The following SCML4 variants were observed in gnomAD, a reference collection of about 807,000 sequenced individuals.
The protein encoded by SCML4 is Scm polycomb group protein like 4.
In SCML4, 34 loss-of-function variants were observed where a neutral mutation model predicts 41.1. That is an observed-to-expected ratio of 0.83 (90% CI 0.63 to 1.10). The LOEUF is 1.10. Among genes scored for constraint, SCML4 ranks in the 50% least tolerant of loss-of-function variants. The probability of loss-of-function intolerance (pLI) is 0.00; values close to 1 mark genes in which losing one functional copy is unlikely to be tolerated. For synonymous variants in SCML4, 214 were observed against 220.9 expected (o/e 0.97, Z 0.28); for missense variants, 522 against 534.1 (o/e 0.98, Z 0.22).
rs181226854 is a variant in SCML4, at chr6:107,819,059, A to G, written c.-60+5067T>C. ...AGGCCCCTATGGTCTATGAGCTGAC[A>G]GCTGTATGGTACTCATAGCTATTAC... On this transcript the variant is annotated intron_variant, in intron 1 of 7. Coordinates refer to ENST00000369020, the MANE Select transcript of SCML4 (RefSeq NM_198081.5). Among the ~76,000 whole-genome samples the G allele has an allele frequency of 3.4e-3, 524 of 152,242 alleles. 4 individuals are homozygous for G. The highest frequency in any genetic ancestry group is 0.017 in the East Asian group (86 of 5,186).
chr6:107,731,533 C>T (rs1381685247), intron 5 of SCML4, among the ~76,000 whole-genome samples: 1 of 152,204 alleles, frequency 6.6e-6, no homozygotes, highest in Non-Finnish European at 1.5e-5. Context: ...GGAGCAGCTG[C>T]AGAGTGAGCC....
At chr6:107,730,798 G>A (rs1391325027) in intron 5 of SCML4, among the ~76,000 whole-genome samples, 1 of 152,160 alleles carries the variant, frequency 6.6e-6, no homozygotes, top group Non-Finnish European at 1.5e-5. Context: ...GCCTATTAGT[G>A]AGGCCAAAGA....
intron 5 of SCML4, among the ~76,000 whole-genome samples, chr6:107,727,649 T>C (rs1776127459): frequency 6.6e-6 from 1 of 152,234 alleles, no homozygotes; most frequent in Non-Finnish European, 1.5e-5. Flanking sequence ...TTTGCCTTGA[T>C]GGCCTCGCTG....
Position 107,720,647 on chromosome 6 carries a change from C to G in SCML4, c.973+56G>C, listed in dbSNP as rs141326797. 2.0e-6 allele frequency: 3 copies of G among 1,463,908 alleles called. No individual in the cohort carries two copies. The African/African-American group carries it at 4.3e-5, about 21-fold the overall frequency. The allele number at this position is 1,463,908 out of a possible 1,614,324, so 90.7% of individuals were successfully genotyped here. A position where few individuals can be genotyped will look rare whatever the true frequency, so the allele number is the denominator to read the frequency against. ...CCCCTTCCCCAGATGCTGTGCTCCC[C>G]GCGCAAGGGCAAGGGATGTTAAGTC... On this transcript the variant is annotated intron_variant, in intron 6 of 7. Coordinates refer to ENST00000369020, the MANE Select transcript of SCML4 (RefSeq NM_198081.5).
the SCML4 span, among the ~76,000 whole-genome samples, chr6:107,835,125 C>T: frequency 6.6e-6 from 1 of 152,048 alleles, no homozygotes; most frequent in Non-Finnish European, 1.5e-5. Context: ...CTTTGGGAGG[C>T]CGAGGCGGGT....
chr6:107,819,107 G>A (rs1226447842), intron 1 of SCML4, among the ~76,000 whole-genome samples: 3 of 152,112 alleles, frequency 2.0e-5, no homozygotes, highest in South Asian at 2.1e-4. Context: ...GAACTGCACC[G>A]GGGGTACAAG....
intron 1 of SCML4, among the ~76,000 whole-genome samples, chr6:107,816,694 C>T (rs1354884362): frequency 6.6e-6 from 1 of 152,248 alleles, no homozygotes; most frequent in African/African-American, 2.4e-5. Flanking sequence ...CCTTGAAACC[C>T]ATTCAGTCTA....
upstream of SCML4, among the ~76,000 whole-genome samples, chr6:107,826,346 T>G (rs1291693662): frequency 6.6e-6 from 1 of 151,794 alleles, no homozygotes; most frequent in African/African-American, 2.4e-5. Context: ...AGAAGATGGA[T>G]GATTTAAGTT....
intron 1 of SCML4, among the ~76,000 whole-genome samples, chr6:107,779,467 G>C (rs1365834863): frequency 6.6e-6 from 1 of 152,150 alleles, no homozygotes; most frequent in Non-Finnish European, 1.5e-5. Flanking sequence ...GCATGGAGAA[G>C]GGGTAAGCCA....
At chr6:107,767,889 A>G (rs1780193963) in intron 2 of SCML4, among the ~76,000 whole-genome samples, 1 of 152,100 alleles carries the variant, frequency 6.6e-6, no homozygotes, top group Admixed American at 6.5e-5. Context: ...CTGTGTTCCC[A>G]TTCTGTTGTC....
the SCML4 span, among the ~76,000 whole-genome samples, chr6:107,837,651 G>A: frequency 2.0e-5 from 3 of 152,074 alleles, no homozygotes; most frequent in Non-Finnish European, 4.4e-5. Flanking sequence ...CATCCCTCAG[G>A]GATTCTGGAG....
intron 2 of SCML4, among the ~76,000 whole-genome samples, chr6:107,761,307 TA>T (rs1193740633): frequency 1.3e-5 from 2 of 152,132 alleles, no homozygotes; most frequent in Non-Finnish European, 2.9e-5. Flanking sequence ...AGTGAAATTA[TA>T]AAACGCCAAA....
intron 1 of SCML4, among the ~76,000 whole-genome samples, chr6:107,816,155 G>C (rs540356716): frequency 6.6e-6 from 1 of 152,296 alleles, no homozygotes; most frequent in African/African-American, 2.4e-5. Flanking sequence ...ATAAGCCTCA[G>C]TTTCCCCATT....
chr6:107,777,082 C>G (rs1044600049), intron 1 of SCML4, among the ~76,000 whole-genome samples: 1 of 152,136 alleles, frequency 6.6e-6, no homozygotes, highest in East Asian at 1.9e-4. Flanking sequence ...GATGCTCTTC[C>G]TTTCCTCTTT....
chr6:107,751,571 A>AATCT (rs1391030968), intron 2 of SCML4, among the ~76,000 whole-genome samples: 2 of 128,608 alleles, frequency 1.6e-5, no homozygotes, highest in East Asian at 2.9e-4. Flanking sequence ...ACATTTTAAC[A>AATCT]ATCTTTCTTT....
intron 5 of SCML4, among the ~76,000 whole-genome samples, chr6:107,731,069 C>A (rs1478487525): frequency 6.6e-6 from 1 of 152,056 alleles, no homozygotes; most frequent in Non-Finnish European, 1.5e-5. Flanking sequence ...CAGGTGTGAG[C>A]CCCTGAAATG....
At chr6:107,757,269 G>A (rs774129187) in intron 2 of SCML4, among the ~76,000 whole-genome samples, 6 of 152,168 alleles carry the variant, frequency 3.9e-5, no homozygotes, top group South Asian at 4.1e-4. Flanking sequence ...AGGGGATTTG[G>A]GGGGAAACGG....
chr6:107,799,591 T>A (rs1782953445), intron 1 of SCML4, among the ~76,000 whole-genome samples: 1 of 152,226 alleles, frequency 6.6e-6, no homozygotes, highest in Non-Finnish European at 1.5e-5. Context: ...TGAGTTTAAG[T>A]CTACCATCTT....
At chr6:107,746,935 A>T in intron 3 of SCML4, 46 bp from the exon 4 acceptor site, 1 of 1,533,838 alleles carries the variant, frequency 6.5e-7, no homozygotes, top group East Asian at 2.3e-5. Flanking sequence ...GGCGCGCATC[A>T]GGCCAGCTGG....
Sources: allele counts gnomAD v4.1 joint callset (sites outside exome capture counted in the v4.1 genomes callset), GRCh38; gene constraint gnomAD v4.1.1; transcripts MANE v1.5; gene names NCBI Gene and HGNC (gene_info 2026-07-23, HGNC 2026-07-21).